Variants in DDX60L observed in about 807,000 individuals in gnomAD.
The protein encoded by DDX60L is DExD/H-box 60 like, also known as probable ATP-dependent RNA helicase DDX60-like.
Under a neutral mutation model 211.6 loss-of-function variants are expected in DDX60L, and 191 were observed. The ratio of observed to expected loss-of-function variants is 0.90; its 90% CI spans 0.80 to 1.02. The LOEUF is 1.02. Ranked by LOEUF, DDX60L falls within the 50% of genes least tolerant of loss-of-function variation. The pLI, the probability that DDX60L is intolerant of heterozygous loss-of-function variation, is 0.00. For synonymous variants in DDX60L, 706 were observed against 694.1 expected (o/e 1.02, Z -0.27); for missense variants, 2,007 against 1,984.1 (o/e 1.01, Z -0.22).
intron 13 of DDX60L, 67 bp from the exon 14 acceptor site, chr4:168,427,389 G>A: frequency 6.5e-7 from 1 of 1,532,170 alleles, no homozygotes; most frequent in Non-Finnish European, 8.8e-7. Flanking sequence ...TCACTAGTGA[G>A]ATTATTTTTT....
chr4:168,417,835 G>A (rs1749835129), intron 19 of DDX60L, among the ~76,000 whole-genome samples: 1 of 152,116 alleles, frequency 6.6e-6, no homozygotes, highest in Admixed American at 6.6e-5. Flanking sequence ...TGACAATTGG[G>A]TCTCAGCTGG....
intron 22 of DDX60L, among the ~76,000 whole-genome samples, chr4:168,412,966 G>A (rs1359657285): frequency 6.6e-6 from 1 of 152,240 alleles, no homozygotes; most frequent in Non-Finnish European, 1.5e-5. Flanking sequence ...GCCTCACTGA[G>A]CTTGGGGTGC....
intron 4 of DDX60L, among the ~76,000 whole-genome samples, chr4:168,468,546 G>A (rs1201325713): frequency 6.6e-6 from 1 of 152,106 alleles, no homozygotes; most frequent in East Asian, 1.9e-4. Context: ...ATACCTAGTA[G>A]GGAAATAATG....
intron 2 of DDX60L, 52 bp from the exon 3 acceptor site, chr4:168,472,576 A>G (rs949005051): frequency 1.3e-6 from 2 of 1,566,438 alleles, no homozygotes; most frequent in Non-Finnish European, 8.7e-7. Flanking sequence ...CAGCTATATA[A>G]TTTAGTAATT....
Position 168,420,386 on chromosome 4 carries a change from T to G in DDX60L, c.2395-6A>C, listed in dbSNP as rs62334143. On this transcript the variant is annotated splice_region_variant and splice_polypyrimidine_tract_variant and intron_variant, in intron 17 of 37. Transcript: ENST00000682922. ...GCCACTTGACCAACAAGGGACTGAT[T>G]GACAAGAAAAAAAACCATTAGTCAC... The G allele has an allele frequency of 6.3e-7, 1 of 1,598,362 alleles. No individual in the cohort carries two copies. Among genetic ancestry groups the G allele is most frequent in the Admixed American group, 1.8e-5 (1 of 55,232 alleles).
At chr4:168,394,251 T>C (rs1034942312) in intron 28 of DDX60L, among the ~76,000 whole-genome samples, 3 of 151,932 alleles carry the variant, frequency 2.0e-5, no homozygotes, top group Admixed American at 1.3e-4. Context: ...ACCACAGCTA[T>C]ACTACTCCAT....
At chr4:168,384,289 C>T (rs1458522006) in intron 30 of DDX60L, among the ~76,000 whole-genome samples, 2 of 151,986 alleles carry the variant, frequency 1.3e-5, no homozygotes, top group East Asian at 1.9e-4. Context: ...TTGAGACCAG[C>T]CTGGGCAACA....
At chr4:168,417,749 A>C (rs1052153434) in intron 19 of DDX60L, among the ~76,000 whole-genome samples, 1 of 152,208 alleles carries the variant, frequency 6.6e-6, no homozygotes, top group Admixed American at 6.5e-5. Context: ...TGAATGAATC[A>C]ATCCTCTTTG....
At chr4:168,376,592 G>A (rs1214282873) in intron 33 of DDX60L, among the ~76,000 whole-genome samples, 1 of 152,178 alleles carries the variant, frequency 6.6e-6, no homozygotes, top group Non-Finnish European at 1.5e-5. Context: ...TCCATCTGTG[G>A]ATGGACCAAG....
chr4:168,419,277 A>G, intron 19 of DDX60L, 25 bp downstream of exon 19: 2 of 1,524,798 alleles, frequency 1.3e-6, no homozygotes, highest in Non-Finnish European at 1.8e-6. Context: ...TAGAACATCA[A>G]CCAGAGAACT....
At chr4:168,447,355 T>C (rs1296456518) in intron 9 of DDX60L, among the ~76,000 whole-genome samples, 1 of 141,160 alleles carries the variant, frequency 7.1e-6, no homozygotes, top group Non-Finnish European at 1.6e-5. Context: ...CCAGTTAGAA[T>C]GGCAAACATT....
At position 168,441,391 on chromosome 4, in the gene DDX60L, G is replaced by A; in HGVS notation, c.1240C>T (p.Pro414Ser). The change falls in exon 10 of 38, where the codon CCT becomes TCT. Residue 414 changes from proline to serine, a missense_variant. By Grantham distance (74) the Pro-to-Ser change is moderately conservative. Transcript: ENST00000682922. ...VKEFNVGKSF[P>S]LRTTRRHFLR... The stretch of plus-strand genomic sequence containing the variant: ...AAATGTCTTCTTGTTGTTCTCAGAG[G>A]AAAAGACTTTCCAACGTTAAATTCT... 6.2e-7 allele frequency: 1 copy of A among 1,612,402 alleles called. No homozygotes were observed. Among genetic ancestry groups the A allele is most frequent in the Non-Finnish European group, 8.5e-7 (1 of 1,179,174 alleles).
chr4:168,454,758 CTTTTTT>C (rs767461447), intron 7 of DDX60L, among the ~76,000 whole-genome samples: 1 of 88,634 alleles, frequency 1.1e-5, no homozygotes, highest in East Asian at 3.7e-4. Context: ...AAACAGCTTC[CTTTTTT>C]TTTTTTTTTT....
chr4:168,443,222 T>A (rs1248416235), intron 9 of DDX60L, among the ~76,000 whole-genome samples: 1 of 151,704 alleles, frequency 6.6e-6, no homozygotes, highest in African/African-American at 2.4e-5. Context: ...AAGAACTAAG[T>A]GAAGAATGCA....
chr4:168,420,209 A>G (rs1489638797), intron 18 of DDX60L, 52 bp downstream of exon 18: 1 of 1,395,846 alleles, frequency 7.2e-7, no homozygotes, highest in Non-Finnish European at 9.6e-7. Context: ...AAACAGTTAT[A>G]TAAGTACTGC....
intron 25 of DDX60L, among the ~76,000 whole-genome samples, chr4:168,402,770 C>A (rs537065012): frequency 6.6e-6 from 1 of 152,278 alleles, no homozygotes; most frequent in East Asian, 1.9e-4. Context: ...TGAGCCTAAA[C>A]CAACTGTCAT....
rs755374757 is a variant in DDX60L, at chr4:168,406,631, G to C, written c.3055C>G (p.Gln1019Glu). ...ESIQLYDTMA[Q>E]VWETWPRAQE... ...GCCCTGGGCCAAGTTTCCCAGACTT[G>C]AGCCATGGTATCATAAAGCTGGATG... The change falls in exon 23 of 38, where the codon CAA becomes GAA. Residue 1019 changes from glutamine to glutamate, a missense_variant. Gln to Glu is a conservative substitution (Grantham distance 29, BLOSUM62 2). Transcript: ENST00000682922. 3 of 1,603,574 alleles carry C rather than the reference G, an allele frequency of 1.9e-6. No individual in the cohort carries two copies. Among genetic ancestry groups the C allele is most frequent in the Admixed American group, 1.7e-5 (1 of 58,942 alleles).
chr4:168,466,144 T>C (rs1017720554), intron 4 of DDX60L, among the ~76,000 whole-genome samples: 2 of 151,984 alleles, frequency 1.3e-5, no homozygotes, highest in Admixed American at 6.5e-5. Context: ...TTTCAATTTA[T>C]GAAGTTAGTG....
chr4:168,395,693 T>C, intron 27 of DDX60L: 1 of 295,538 alleles, frequency 3.4e-6, no homozygotes, highest in East Asian at 7.0e-5. Flanking sequence ...TTGAATTGAA[T>C]TCTAGAATCA....
Sources: gnomAD v4.1 joint callset for allele counts (sites outside exome capture counted in the v4.1 genomes callset) on GRCh38, gnomAD v4.1.1 for gene constraint, MANE v1.5 for transcripts, NCBI Gene and HGNC (gene_info 2026-07-23, HGNC 2026-07-21) for gene names.